ZNFX1: variants seen among roughly 807,000 people sequenced by gnomAD.
ZNFX1 encodes the protein zinc finger NFX1-type containing 1, also known as NFX1-type zinc finger-containing protein 1.
ZNFX1 carries 78 observed loss-of-function variants against 179.8 expected under a neutral mutation model. The ratio of observed to expected loss-of-function variants is 0.43; its 90% confidence interval spans 0.36 to 0.52. The LOEUF (loss-of-function observed/expected upper bound fraction) is 0.52. ZNFX1 is among the 20% of genes least tolerant of loss of function. The pLI, the probability that ZNFX1 is intolerant of heterozygous loss-of-function variation, is 0.00. For synonymous variants in ZNFX1, 848 were observed against 868.5 expected (o/e 0.98, Z 0.42); for missense variants, 1,927 against 2,386.6 (o/e 0.81, Z 4.01).
rs763722508 is a variant in ZNFX1, at chr20:49,270,428, C to T, written c.1384G>A (p.Glu462Lys). 1.2e-6 allele frequency: 2 copies of T among 1,614,142 alleles called. No homozygotes were observed. Among genetic ancestry groups the T allele is most frequent in the Middle Eastern group, 1.6e-4 (1 of 6,062 alleles). ...GATACGGTGGCAAAAAGAAATGTCT[C>T]GAAGTTGTCCTTGGACATGCATACC... ...SLVCMSKDNFETFLFATVSNR... is the reference protein window; with the variant it reads ...SLVCMSKDNFKTFLFATVSNR... Residue 462 changes from glutamate (E) to lysine (K), a missense_variant, in exon 3 of 14, where the codon GAG becomes AAG. Coordinates refer to ENST00000396105, the MANE Select transcript of ZNFX1 (RefSeq NM_021035.3). This position sits in a 1 kb window ranked among gnomAD's most constrained non-coding sequence, Gnocchi z 4.6.
intron 7 of ZNFX1, among the ~76,000 whole-genome samples, chr20:49,258,979 G>A (rs1323167017): frequency 7.2e-5 from 11 of 151,774 alleles, no homozygotes; most frequent in Middle Eastern, 3.4e-3. Context: ...GAGTGTGCCT[G>A]TAATCCCAGC....
In ZNFX1 at chr20:49,248,060, C is replaced by T. The variant is rs1745843887; in HGVS notation, c.4964G>A (p.Gly1655Glu). ...IIKEKIQGSA[G>E]EIATSQERLK... Reference sequence around the variant, plus strand: ...CCGTTCCTGGCTGGTTGCTATTTCCCCTGCTGAGCCCTGGATCTTTTCCTT... The same window carrying T: ...CCGTTCCTGGCTGGTTGCTATTTCCTCTGCTGAGCCCTGGATCTTTTCCTT... The change falls in exon 14 of 14, where the codon GGG becomes GAG. Residue 1655 changes from glycine (G) to glutamate (E), a missense_variant. Physicochemically the swap from Gly to Glu is moderately conservative, Grantham distance 98. Coordinates refer to ENST00000396105, the MANE Select transcript of ZNFX1 (RefSeq NM_021035.3). The surrounding 1 kb of genome is among the most constrained non-coding windows in gnomAD (Gnocchi z 4.6). 6.2e-7 allele frequency: 1 copy of T among 1,614,198 alleles called. No homozygotes were observed. Among genetic ancestry groups the T allele is most frequent in the Non-Finnish European group, 8.5e-7 (1 of 1,180,048 alleles).
chr20:49,265,901 G>A (rs544429772), intron 4 of ZNFX1, among the ~76,000 whole-genome samples: 1 of 152,332 alleles, frequency 6.6e-6, no homozygotes, highest in Admixed American at 6.5e-5. Flanking sequence ...GGCCAATGGA[G>A]GACGTAGAGG....
chr20:49,258,379 C>T (rs1046204462), intron 7 of ZNFX1, among the ~76,000 whole-genome samples: 2 of 152,104 alleles, frequency 1.3e-5, no homozygotes, highest in Non-Finnish European at 2.9e-5. Flanking sequence ...TGAGCCACTG[C>T]ACCCAGCCCT....
In ZNFX1 at chr20:49,260,713, A is replaced by G. The variant is rs559768270; in HGVS notation, c.2302-136T>C. ...TCCCAGCAATTTGGAAGGCCAAGGC[A>G]GGAAGACTGCCTGAGCCCAGAAATT... On this transcript the variant is annotated intron_variant, in intron 6 of 13. Coordinates refer to ENST00000396105, the MANE Select transcript of ZNFX1 (RefSeq NM_021035.3). The G allele has an allele frequency of 1.4e-5, 8 of 588,272 alleles. No homozygotes were observed. In the East Asian group the frequency reaches 1.8e-4, roughly 13 times the overall value. 36.4% of individuals were successfully genotyped at this position (588,272 alleles called of 1,614,324 possible).
intron 6 of ZNFX1, among the ~76,000 whole-genome samples, chr20:49,260,812 G>A (rs1981095461): frequency 6.6e-6 from 1 of 152,196 alleles, no homozygotes; most frequent in Admixed American, 6.5e-5. Context: ...TGGGCGTGGT[G>A]GCTTGCGCCT....
chr20:49,247,426 C>G lies in ZNFX1; in HGVS notation c.5598G>C (p.Arg1866Ser). 3 of 1,614,174 alleles carry G rather than the reference C, an allele frequency of 1.9e-6. No homozygotes were observed. Among genetic ancestry groups the G allele is most frequent in the Non-Finnish European group, 2.5e-6 (3 of 1,180,040 alleles). ...VIGDCGGAME[R>S]GTCPDCKEVI... ...CTTCCTTACAGTCAGGACACGTGCC[C>G]CTCTCCATGGCTCCCCCACAATCGC... is the stretch of plus-strand genomic sequence containing the variant. The change falls in exon 14 of 14, where the codon AGG (arginine) becomes AGC (serine). Residue 1866 changes from arginine to serine, a missense_variant. Physicochemically the swap from Arg to Ser is moderately radical, Grantham distance 110. Coordinates refer to ENST00000396105, the MANE Select transcript of ZNFX1 (RefSeq NM_021035.3).
intron 1 of ZNFX1, among the ~76,000 whole-genome samples, chr20:49,277,163 C>T (rs1981588695): frequency 6.6e-6 from 1 of 151,968 alleles, no homozygotes; most frequent in African/African-American, 2.4e-5. Context: ...ATCAAGCTGG[C>T]CTGGAGTCAG....
chr20:49,252,785 G>T lies in ZNFX1; in HGVS notation c.3151C>A (p.Leu1051Ile), dbSNP rs1029509028. The change falls in exon 12 of 14, where the codon CTT becomes ATT. Residue 1051 changes from leucine to isoleucine, a missense_variant. Physicochemically the swap from Leu to Ile is conservative, Grantham distance 5. Coordinates refer to ENST00000396105, the MANE Select transcript of ZNFX1 (RefSeq NM_021035.3). Reference sequence around the variant, plus strand: ...AGCCGTTCAAAAAGGGACACCTCAAGGTTGAAGTTCTTGGCCAGATCATAC... The same window carrying T: ...AGCCGTTCAAAAAGGGACACCTCAATGTTGAAGTTCTTGGCCAGATCATAC... ...NVYDLAKNFN[L>I]EVSLFERLVK... The T allele has an allele frequency of 1.9e-6, 3 of 1,614,028 alleles. No homozygotes were observed. Among genetic ancestry groups the T allele is most frequent in the East Asian group, 2.2e-5 (1 of 44,894 alleles).
intron 5 of ZNFX1, 28 bp from the exon 6 acceptor site, chr20:49,263,511 T>C (rs1981165157): frequency 6.4e-7 from 1 of 1,555,982 alleles, no homozygotes; most frequent in South Asian, 1.2e-5. Flanking sequence ...AAAGAAATGA[T>C]GAGGAAATAT....
chr20:49,270,328 G>A lies in ZNFX1; in HGVS notation c.1484C>T (p.Ala495Val), dbSNP rs1188948015. 6.2e-7 allele frequency: 1 copy of A among 1,614,132 alleles called. No individual in the cohort carries two copies. The highest frequency in any genetic ancestry group is 8.5e-7 in the Non-Finnish European group (1 of 1,180,006). Reference protein sequence around the residue: ...CFNEQSQQLLAEVQPSDSFLM... With the variant: ...CFNEQSQQLLVEVQPSDSFLM... ...GAAAGAGTCAGAGGGCTGGACCTCT[G>A]CTAGCAGCTGTTGGCTTTGCTCATT... The change falls in exon 3 of 14, where the codon GCA becomes GTA. Residue 495 changes from alanine (A) to valine (V), a missense_variant. Coordinates refer to ENST00000396105, the MANE Select transcript of ZNFX1 (RefSeq NM_021035.3). This position sits in a 1 kb window ranked among gnomAD's most constrained non-coding sequence, Gnocchi z 4.6.
chr20:49,246,779 A>G lies in ZNFX1; in HGVS notation c.*488T>C, dbSNP rs1437387754. On this transcript the variant is annotated 3_prime_UTR_variant, in exon 14 of 14. Transcript: ENST00000396105. Reference sequence around the variant, plus strand: ...ACTTTGCTCTCAGTTCTGGAGATAAAGTGCTTACTCTAGCGCAGGGGTAAA... The same window carrying G: ...ACTTTGCTCTCAGTTCTGGAGATAAGGTGCTTACTCTAGCGCAGGGGTAAA... 4 of 442,436 alleles carry G rather than the reference A, an allele frequency of 9.0e-6. No individual in the cohort carries two copies. Among genetic ancestry groups the G allele is most frequent in the African/African-American group, 2.0e-5 (1 of 49,162 alleles). The allele number at this position is 442,436 out of a possible 1,614,324, so 27.4% of individuals were successfully genotyped here.
intron 3 of ZNFX1, among the ~76,000 whole-genome samples, chr20:49,268,397 T>A (rs1053277117): frequency 6.6e-6 from 1 of 152,200 alleles, no homozygotes; most frequent in African/African-American, 2.4e-5. Context: ...TTACTATGCA[T>A]GACAATGGGT....
At chr20:49,267,804 A>C (rs1450094052) in intron 3 of ZNFX1, among the ~76,000 whole-genome samples, 1 of 152,100 alleles carries the variant, frequency 6.6e-6, no homozygotes, top group Non-Finnish European at 1.5e-5. Flanking sequence ...TGTGAGCTTC[A>C]GTACATACTT....
rs545437263 is a variant in ZNFX1 at position 49,246,712 on chromosome 20, T to C, written c.*555A>G. On this transcript the variant is annotated 3_prime_UTR_variant, in exon 14 of 14. Transcript: ENST00000396105. ...GAAGCCCCAAACATGTTCCAGGGAG[T>C]CTGTCCACTAATTTGCAGGAGAGAA... The C allele has an allele frequency of 2.2e-4, 86 of 382,624 alleles. No homozygotes were observed. Among genetic ancestry groups the C allele is most frequent in the Middle Eastern group, 3.7e-4 (1 of 2,670 alleles). 23.7% of individuals were successfully genotyped at this position (382,624 alleles called of 1,614,324 possible).
chr20:49,264,673 G>C lies in ZNFX1; in HGVS notation c.2151+43C>G, dbSNP rs753238088. 3.1e-6 allele frequency: 5 copies of C among 1,603,400 alleles called. No homozygotes were observed. In the South Asian group the frequency reaches 4.4e-5, roughly 14 times the overall value. The stretch of plus-strand genomic sequence containing the variant: ...AGAAAGCCACTGCTATCTTGTTTAG[G>C]TCCCTCTTGAACTACCCCAGATATT... On this transcript the variant is annotated intron_variant, in intron 5 of 13. Transcript: ENST00000396105.
intron 2 of ZNFX1, 52 bp from the exon 3 acceptor site, chr20:49,271,802 C>G: frequency 2.0e-6 from 3 of 1,528,442 alleles, no homozygotes; most frequent in East Asian, 2.3e-5. Context: ...CTGTTGGAAA[C>G]CCAACAGAAC....
Position 49,248,513 on chromosome 20 carries a change from C to G in ZNFX1, c.4511G>C (p.Gly1504Ala). 6.2e-7 allele frequency: 1 copy of G among 1,614,184 alleles called. No individual in the cohort carries two copies. The highest frequency in any genetic ancestry group is 1.3e-5 in the African/African-American group (1 of 75,070). ...CVHSQCKKKCGELCSPCVEPC... is the reference protein window; with the variant it reads ...CVHSQCKKKCAELCSPCVEPC... ...TTCCACGCAGGGACTACACAGCTCCCCACATTTCTTCTTGCACTGGCTGTG... is the reference window on the plus strand; with the variant it reads ...TTCCACGCAGGGACTACACAGCTCCGCACATTTCTTCTTGCACTGGCTGTG... Residue 1504 changes from glycine (G) to alanine (A), a missense_variant, in exon 14 of 14, where the codon GGG becomes GCG. By Grantham distance (60) the Gly-to-Ala change is moderately conservative. Coordinates refer to ENST00000396105, the MANE Select transcript of ZNFX1 (RefSeq NM_021035.3). The surrounding 1 kb of genome is among the most constrained non-coding windows in gnomAD (Gnocchi z 4.6).
Position 49,263,498 on chromosome 20 carries a change from G to A in ZNFX1, c.2152-15C>T. ...TGTGTCATGATCTTCCAAGAACAGA[G>A]GGAAAGAAATGATGAGGAAATATCA... is the stretch of plus-strand genomic sequence containing the variant. On this transcript the variant is annotated splice_polypyrimidine_tract_variant and intron_variant, in intron 5 of 13. Coordinates refer to ENST00000396105, the MANE Select transcript of ZNFX1 (RefSeq NM_021035.3). 1 of 1,563,304 alleles carries A rather than the reference G, an allele frequency of 6.4e-7. No individual in the cohort carries two copies. Among genetic ancestry groups the A allele is most frequent in the Non-Finnish European group, 8.7e-7 (1 of 1,152,610 alleles).
Sources: allele counts gnomAD v4.1 joint callset (sites outside exome capture counted in the v4.1 genomes callset), GRCh38; gene constraint gnomAD v4.1.1; non-coding constraint Gnocchi (gnomAD v3.1); transcripts MANE v1.5; gene names NCBI Gene and HGNC (gene_info 2026-07-23, HGNC 2026-07-21).